RGS3: variants seen among roughly 807,000 people sequenced by gnomAD.
RGS3 encodes the protein regulator of G-protein signalling 3.
A neutral mutation model predicts 132.6 loss-of-function variants in RGS3; 80 were observed. The ratio of observed to expected loss-of-function variants is 0.60; its 90% confidence interval spans 0.50 to 0.73. RGS3 has a LOEUF of 0.73. Ranked by LOEUF, RGS3 falls within the 30% of genes least tolerant of loss-of-function variation. The pLI, the probability that RGS3 is intolerant of heterozygous loss-of-function variation, is 0.00. For synonymous variants in RGS3, 598 were observed against 620.6 expected, an observed-to-expected ratio of 0.96 and a Z score of 0.54; for missense variants, 1,382 against 1,530.8, an observed-to-expected ratio of 0.90 and a Z score of 1.62.
intron 1 of RGS3, among the ~76,000 whole-genome samples, chr9:113,451,747 A>G (rs1829250852): frequency 6.6e-6 from 1 of 152,038 alleles, no homozygotes; most frequent in African/African-American, 2.4e-5. Flanking sequence ...GATTTAAATA[A>G]TAAGAAAAGC....
chr9:113,583,835 C>A lies in RGS3; in HGVS notation c.2423C>A (p.Thr808Asn), dbSNP rs144636307. ...CTCCCTGCCATCCAGGAATCCCCCA[C>A]CCGGGACCTTCCACCCTGTCAAGAT... Residue 808 changes from threonine to asparagine, a missense_variant, in exon 20 of 25, where the codon ACC becomes AAC. Transcript: ENST00000350696. The A allele has an allele frequency of 1.7e-3, 2,736 of 1,614,054 alleles. 7 individuals are homozygous for A. Among genetic ancestry groups the A allele is most frequent in the Middle Eastern group, 5.3e-3 (32 of 6,062 alleles).
chr9:113,583,322 C>T, intron 19 of RGS3, 128 bp from the exon 18 acceptor site: 1 of 1,444,644 alleles, frequency 6.9e-7, no homozygotes, highest in South Asian at 1.5e-5. Context: ...TTCCATCTGG[C>T]ACCTCAGCTT....
upstream of RGS3, among the ~76,000 whole-genome samples, chr9:113,460,057 T>A (rs1223022561): frequency 6.8e-6 from 1 of 146,034 alleles, no homozygotes; most frequent in Non-Finnish European, 1.5e-5. Context: ...AAAAAAAAAA[T>A]CACCTGTATA....
chr9:113,480,471 A>AG (rs2119214358), intron 4 of RGS3, among the ~76,000 whole-genome samples: 1 of 152,034 alleles, frequency 6.6e-6, no homozygotes, highest in East Asian at 1.9e-4. Context: ...AAAAAAAAAA[A>AG]AAAAAAAGAA....
intron 9 of RGS3, among the ~76,000 whole-genome samples, chr9:113,497,753 C>G (rs1456982566): frequency 6.6e-6 from 1 of 152,196 alleles, no homozygotes; most frequent in African/African-American, 2.4e-5. Flanking sequence ...GGATACCCAC[C>G]TCTACAGACA....
chr9:113,594,203 G>A, intron 21 of RGS3: 2 of 1,612,966 alleles, frequency 1.2e-6, no homozygotes, highest in Non-Finnish European at 1.7e-6. Flanking sequence ...CCAGGACGCG[G>A]GGTGGGGGAC....
At chr9:113,584,458 T>C in intron 20 of RGS3, 31 bp downstream of exon 18, 1 of 1,497,596 alleles carries the variant, frequency 6.7e-7, no homozygotes, top group Non-Finnish European at 8.8e-7. Context: ...GGGAGAAGGA[T>C]ACATGCAATG....
upstream of RGS3, among the ~76,000 whole-genome samples, chr9:113,455,951 C>T (rs1192358416): frequency 1.3e-5 from 2 of 152,144 alleles, no homozygotes; most frequent in Non-Finnish European, 2.9e-5. Flanking sequence ...CCTTTTCATT[C>T]ATGTGAAGTT....
At chr9:113,578,104 G>A (rs1834618992) in intron 19 of RGS3, among the ~76,000 whole-genome samples, 1 of 152,212 alleles carries the variant, frequency 6.6e-6, no homozygotes, top group African/African-American at 2.4e-5. Context: ...TAGCGATTGT[G>A]GCCTGGGGAG....
chr9:113,547,495 T>C (rs1157388522), intron 19 of RGS3, among the ~76,000 whole-genome samples: 3 of 152,174 alleles, frequency 2.0e-5, no homozygotes, highest in Non-Finnish European at 2.9e-5. Flanking sequence ...TCCTTTCTGC[T>C]CAGGTGGCTG....
chr9:113,567,859 T>C (rs1200256332), intron 19 of RGS3, among the ~76,000 whole-genome samples: 1 of 152,194 alleles, frequency 6.6e-6, no homozygotes, highest in African/African-American at 2.4e-5. Flanking sequence ...CTGGGGTTAT[T>C]GATCCTCAAG....
chr9:113,505,247 C>T, intron 10 of RGS3, 195 bp from the exon 9 acceptor site: 2 of 588,196 alleles, frequency 3.4e-6, no homozygotes, highest in African/African-American at 1.9e-5. Flanking sequence ...GGCCTTCCTG[C>T]TTGGCCCACA....
chr9:113,569,569 CTTT>C (rs1834172870), intron 19 of RGS3, among the ~76,000 whole-genome samples: 2 of 145,304 alleles, frequency 1.4e-5, no homozygotes, highest in Non-Finnish European at 3.0e-5. Context: ...CCTTCCGTGT[CTTT>C]CCTTCTTTCC....
At chr9:113,573,945 G>A (rs529564157) in intron 19 of RGS3, among the ~76,000 whole-genome samples, 1 of 152,286 alleles carries the variant, frequency 6.6e-6, no homozygotes, top group South Asian at 2.1e-4. Flanking sequence ...GGCAGACCAT[G>A]GTTTCAATTC....
chr9:113,500,441 G>A (rs1044148901), intron 10 of RGS3, among the ~76,000 whole-genome samples: 6 of 152,168 alleles, frequency 3.9e-5, no homozygotes, highest in African/African-American at 1.2e-4. Flanking sequence ...CTCACCATGC[G>A]CTGCTCTGCA....
intron 19 of RGS3, among the ~76,000 whole-genome samples, chr9:113,576,337 C>CTT (rs558156232): frequency 0.048 from 6,828 of 142,358 alleles, 554 homozygotes; most frequent in African/African-American, 0.16. Context: ...ATTGTTCTTT[C>CTT]TTTTTTTTTT....
chr9:113,583,272 T>G, intron 19 of RGS3, 178 bp from the exon 18 acceptor site: 12 of 1,114,042 alleles, frequency 1.1e-5, no homozygotes, highest in African/African-American at 1.6e-5. Context: ...GAAGACAGGG[T>G]GAGAATTGTT....
intron 18 of RGS3, among the ~76,000 whole-genome samples, chr9:113,530,849 A>T (rs1479109318): frequency 6.6e-6 from 1 of 152,162 alleles, no homozygotes; most frequent in African/African-American, 2.4e-5. Context: ...TATTTAGAAG[A>T]AGTACTATAA....
intron 17 of RGS3, among the ~76,000 whole-genome samples, chr9:113,527,000 G>T (rs1832240615): frequency 6.6e-6 from 1 of 152,192 alleles, no homozygotes; most frequent in African/African-American, 2.4e-5. Flanking sequence ...TCAGTTTGTT[G>T]TTCTTTTATG....
Sources: gnomAD v4.1 joint callset for allele counts (sites outside exome capture counted in the v4.1 genomes callset) on GRCh38, gnomAD v4.1.1 for gene constraint, MANE v1.5 for transcripts, NCBI Gene and HGNC (gene_info 2026-07-23, HGNC 2026-07-21) for gene names.